Variants in UBE3D observed in about 807,000 individuals in gnomAD.
The protein encoded by UBE3D is ubiquitin protein ligase E3D.
In UBE3D, 48 loss-of-function variants were observed where a neutral mutation model predicts 49.6. That is an observed-to-expected ratio of 0.97 (90% CI 0.77 to 1.23). The LOEUF is 1.23. UBE3D is among the 50% of genes most tolerant of loss of function. The pLI, the probability that UBE3D is intolerant of heterozygous loss-of-function variation, is 0.00. For missense variants in UBE3D, 452 were observed against 468.4 expected, an observed-to-expected ratio of 0.96 and a Z score of 0.32; for synonymous variants, 189 against 174.2, an observed-to-expected ratio of 1.08 and a Z score of -0.67.
downstream of UBE3D, among the ~76,000 whole-genome samples, chr6:82,887,447 A>C (rs1212794988): frequency 7.5e-6 from 1 of 133,312 alleles, no homozygotes; most frequent in Non-Finnish European, 1.5e-5. Flanking sequence ...GGTGGCTCAC[A>C]CCTATAATCC....
At chr6:82,898,399 T>C (rs1236581972) in intron 9 of UBE3D, among the ~76,000 whole-genome samples, 4 of 152,202 alleles carry the variant, frequency 2.6e-5, no homozygotes, top group African/African-American at 9.6e-5. Flanking sequence ...TGTAGCACTG[T>C]TCACAATAGC....
intron 9 of UBE3D, among the ~76,000 whole-genome samples, chr6:82,931,224 T>C (rs1447804576): frequency 6.6e-6 from 1 of 152,148 alleles, no homozygotes; most frequent in Non-Finnish European, 1.5e-5. Context: ...TCAGAGGATA[T>C]ATGGAAGTGC....
the UBE3D span, among the ~76,000 whole-genome samples, chr6:82,885,411 T>A: frequency 6.6e-6 from 1 of 152,190 alleles, no homozygotes; most frequent in Admixed American, 6.5e-5. Flanking sequence ...CATAGAATAA[T>A]CACTGTATCT....
At chr6:82,883,559 A>G in the UBE3D span, among the ~76,000 whole-genome samples, 1 of 152,216 alleles carries the variant, frequency 6.6e-6, no homozygotes. Context: ...CATAAAATAA[A>G]ACACAAGAAT....
chr6:82,898,891 C>A (rs369978294), intron 9 of UBE3D, among the ~76,000 whole-genome samples: 3 of 151,962 alleles, frequency 2.0e-5, no homozygotes, highest in Admixed American at 6.6e-5. Flanking sequence ...TTCATTCAAT[C>A]GTTAATTATC....
At chr6:83,004,682 C>T (rs1265088872) in intron 8 of UBE3D, among the ~76,000 whole-genome samples, 1 of 152,200 alleles carries the variant, frequency 6.6e-6, no homozygotes, top group East Asian at 1.9e-4. Flanking sequence ...CATATTCACA[C>T]ACTATTCAAA....
At chr6:83,022,295 G>A (rs1267083869) in intron 7 of UBE3D, among the ~76,000 whole-genome samples, 158 bp downstream of exon 7, 3 of 152,132 alleles carry the variant, frequency 2.0e-5, no homozygotes, top group Non-Finnish European at 4.4e-5. Context: ...CCAAAGTGCT[G>A]GGATTTCAGG....
intron 9 of UBE3D, among the ~76,000 whole-genome samples, chr6:82,914,555 G>T (rs1772772909): frequency 6.6e-6 from 1 of 152,184 alleles, no homozygotes; most frequent in Non-Finnish European, 1.5e-5. Context: ...GTCAAGCAGG[G>T]CAGCTTTACT....
chr6:83,054,111 AG>A (rs758954302), intron 3 of UBE3D, 36 bp downstream of exon 3: 2 of 1,527,602 alleles, frequency 1.3e-6, no homozygotes, highest in Non-Finnish European at 1.8e-6. Flanking sequence ...AACCATTGCC[AG>A]GCACAGAATT....
chr6:83,041,848 G>C (rs1196358426), intron 4 of UBE3D, among the ~76,000 whole-genome samples: 3 of 152,134 alleles, frequency 2.0e-5, no homozygotes, highest in African/African-American at 4.8e-5. Flanking sequence ...CTTTAAAAAA[G>C]AGTGAAGCCT....
intron 9 of UBE3D, among the ~76,000 whole-genome samples, chr6:82,952,512 C>G (rs1775875840): frequency 6.6e-6 from 1 of 151,946 alleles, no homozygotes; most frequent in Non-Finnish European, 1.5e-5. Flanking sequence ...GCAGGATTGA[C>G]CTCCAGGGCT....
chr6:82,957,449 G>A lies in UBE3D; in HGVS notation c.1012C>T (p.Leu338Phe). The A allele has an allele frequency of 5.6e-6, 9 of 1,612,644 alleles. No homozygotes were observed. Among genetic ancestry groups the A allele is most frequent in the Non-Finnish European group, 7.6e-6 (9 of 1,179,570 alleles). The part of the protein sequence containing the change: ...QPCIKSRNEK[L>F]VSLWESDISV... ...ATGTCACTTTCCCACAAGCTGACAAGTCTGGAACACACCAACACATTAACT... is the reference window on the plus strand; with the variant it reads ...ATGTCACTTTCCCACAAGCTGACAAATCTGGAACACACCAACACATTAACT... Residue 338 changes from leucine (L) to phenylalanine (F), a missense_variant and splice_region_variant, in exon 9 of 10, where the codon CTT becomes TTT. Transcript: ENST00000369747.
chr6:82,988,508 A>T (rs1350738403), intron 8 of UBE3D, among the ~76,000 whole-genome samples: 1 of 152,234 alleles, frequency 6.6e-6, no homozygotes. Flanking sequence ...CAATGAAGAC[A>T]AATCTCTTAA....
Position 82,893,007 on chromosome 6 carries a change from G to C in UBE3D, c.*15C>G, listed in dbSNP as rs1284574516. On this transcript the variant is annotated 3_prime_UTR_variant, in exon 10 of 10. Transcript: ENST00000369747. ...GAGCTGTCTGCCGGGGGAGGAGAAT[G>C]CCCAGCTCTAATAGTTACATCTTCA... 6.2e-7 allele frequency: 1 copy of C among 1,613,654 alleles called. No homozygotes were observed. The highest frequency in any genetic ancestry group is 1.1e-5 in the South Asian group (1 of 91,078).
chr6:82,978,886 T>G (rs140665441), intron 8 of UBE3D, among the ~76,000 whole-genome samples: 2 of 152,306 alleles, frequency 1.3e-5, no homozygotes, highest in Non-Finnish European at 2.9e-5. Context: ...TTCCCTTTCT[T>G]TTTTTAGGAG....
At chr6:82,932,681 A>G (rs1276668037) in intron 9 of UBE3D, 1 of 152,102 alleles carries the variant, frequency 6.6e-6, no homozygotes, top group Non-Finnish European at 1.5e-5. Context: ...TTTTTTCCCT[A>G]TTTATCCACA....
At chr6:82,992,016 T>A (rs1778919222) in intron 8 of UBE3D, among the ~76,000 whole-genome samples, 1 of 151,384 alleles carries the variant, frequency 6.6e-6, no homozygotes. Context: ...AAAACAAAAA[T>A]CCCGAAAAGT....
chr6:82,911,124 C>T (rs891087205), intron 9 of UBE3D, among the ~76,000 whole-genome samples: 6 of 129,682 alleles, frequency 4.6e-5, no homozygotes, highest in East Asian at 2.4e-4. Flanking sequence ...TCACTATAGC[C>T]ATAATGTCAT....
chr6:82,918,347 C>T lies in UBE3D; in HGVS notation c.1150-25305G>A, dbSNP rs547835240. Among the ~76,000 whole-genome samples, 7 of 151,082 alleles carry T rather than the reference C, an allele frequency of 4.6e-5. No individual in the cohort carries two copies. In the South Asian group the frequency reaches 1.5e-3, roughly 32 times the overall value. Reference sequence around the variant, plus strand: ...TTCCTGAATCTCATTGTCATATGAACCCTTCACCAGTCTGAGCTTTTCATG... The same window carrying T: ...TTCCTGAATCTCATTGTCATATGAATCCTTCACCAGTCTGAGCTTTTCATG... On this transcript the variant is annotated intron_variant, in intron 9 of 9. Transcript: ENST00000369747.
Sources: gnomAD v4.1 joint callset for allele counts (sites outside exome capture counted in the v4.1 genomes callset) on GRCh38, gnomAD v4.1.1 for gene constraint, MANE v1.5 for transcripts, NCBI Gene and HGNC (gene_info 2026-07-23, HGNC 2026-07-21) for gene names.